Variants in GSN observed in about 807,000 individuals in gnomAD.
The protein encoded by GSN is actin-depolymerizing factor.
In GSN, 56 loss-of-function variants were observed where a neutral mutation model predicts 85.7. The ratio of observed to expected loss-of-function variants is 0.65; its 90% CI spans 0.53 to 0.82. GSN has a LOEUF of 0.82. GSN is among the 40% of genes least tolerant of loss of function. GSN has a pLI of 0.00. For missense variants in GSN, 857 were observed against 979.8 expected, an observed-to-expected ratio of 0.87 and a Z score of 1.67; for synonymous variants, 373 against 399.1, an observed-to-expected ratio of 0.93 and a Z score of 0.78.
At chr9:121,290,038 G>T (rs1042572843) in intron 2 of GSN, among the ~76,000 whole-genome samples, 1 of 152,052 alleles carries the variant, frequency 6.6e-6, no homozygotes, top group Non-Finnish European at 1.5e-5. Flanking sequence ...TGAGAAGTGG[G>T]TATAAAGTGG....
intron 2 of GSN, chr9:121,286,710 A>T: frequency 6.5e-7 from 1 of 1,535,468 alleles, no homozygotes. Context: ...CACTGTGGCC[A>T]TCATTCTCCT....
intron 2 of GSN, chr9:121,285,105 G>C (rs2057911691): frequency 6.0e-6 from 1 of 167,194 alleles, no homozygotes; most frequent in South Asian, 2.1e-4. Flanking sequence ...CCTTGGACAA[G>C]TCCCTTACTC....
chr9:121,302,081 A>G lies in GSN; in HGVS notation c.110A>G (p.Asp37Gly), dbSNP rs144219139. The G allele has an allele frequency of 6.2e-7, 1 of 1,614,150 alleles. No homozygotes were observed. The highest frequency in any genetic ancestry group is 1.7e-5 in the Admixed American group (1 of 60,022). Reference sequence around the variant, plus strand: ...CCCGTGCCCACCAACCTTTATGGAGACTTCTTCACGGGCGACGCCTACGTC... The same window carrying G: ...CCCGTGCCCACCAACCTTTATGGAGGCTTCTTCACGGGCGACGCCTACGTC... ...LVPVPTNLYG[D>G]FFTGDAYVIL... Residue 37 changes from aspartate (D) to glycine (G), a missense_variant, in exon 3 of 18, where the codon GAC becomes GGC. Transcript: ENST00000432226.
intron 1 of GSN, among the ~76,000 whole-genome samples, chr9:121,272,289 G>C (rs1411637343): frequency 6.6e-6 from 1 of 152,246 alleles, no homozygotes; most frequent in Non-Finnish European, 1.5e-5. Context: ...GAGAAAAGCA[G>C]TGGGTGTTGT....
Position 121,329,048 on chromosome 9 carries a change from C to G in GSN, c.1887+33C>G, listed in dbSNP as rs1188837313. On this transcript the variant is annotated intron_variant, in intron 15 of 17. Coordinates refer to ENST00000432226, the MANE Select transcript of GSN (RefSeq NM_198252.3). The surrounding 1 kb of genome is among the most constrained non-coding windows in gnomAD (Gnocchi z 4.6). Reference sequence around the variant, plus strand: ...CCTGCGGAGGTCACACCTCTGCTTTCCCCTCGGGAGGCGAGTTCCACAGGA... The same window carrying G: ...CCTGCGGAGGTCACACCTCTGCTTTGCCCTCGGGAGGCGAGTTCCACAGGA... 1 of 1,611,180 alleles carries G rather than the reference C, an allele frequency of 6.2e-7. No individual in the cohort carries two copies. The highest frequency in any genetic ancestry group is 1.7e-5 in the Admixed American group (1 of 59,856).
At chr9:121,239,139 G>A (rs574207810) in intron 5 of GSN, 76 of 346,872 alleles carry the variant, frequency 2.2e-4, no homozygotes, top group South Asian at 1.7e-3. Flanking sequence ...CATATATAGT[G>A]GCTAAGTCTG....
At chr9:121,246,648 C>G (rs2054705383) in intron 5 of GSN, among the ~76,000 whole-genome samples, 1 of 152,066 alleles carries the variant, frequency 6.6e-6, no homozygotes, top group Non-Finnish European at 1.5e-5. Flanking sequence ...CCCTCCATAT[C>G]CTTTCTCCAG....
At chr9:121,314,194 G>A (rs1181011178) in intron 7 of GSN, among the ~76,000 whole-genome samples, 171 bp downstream of exon 7, 1 of 152,216 alleles carries the variant, frequency 6.6e-6, no homozygotes, top group Non-Finnish European at 1.5e-5. Flanking sequence ...TTGCTTTCCT[G>A]CACTAAGAGC....
At chr9:121,289,672 G>T (rs1350771929) in intron 2 of GSN, among the ~76,000 whole-genome samples, 1 of 152,156 alleles carries the variant, frequency 6.6e-6, no homozygotes, top group Non-Finnish European at 1.5e-5. Flanking sequence ...TGAGGAGACA[G>T]GCCCAGAGAG....
intron 4 of GSN, among the ~76,000 whole-genome samples, chr9:121,216,191 A>G (rs1249733936): frequency 1.3e-5 from 2 of 151,938 alleles, no homozygotes; most frequent in African/African-American, 4.8e-5. Context: ...CAGGTGATCC[A>G]CCTGCCTCAG....
At chr9:121,269,465 CCTT>C (rs2055592252) in intron 1 of GSN, among the ~76,000 whole-genome samples, 1 of 152,106 alleles carries the variant, frequency 6.6e-6, no homozygotes, top group Non-Finnish European at 1.5e-5. Flanking sequence ...ACTCTAGCCT[CCTT>C]CTTGGGTGTT....
intron 1 of GSN, among the ~76,000 whole-genome samples, chr9:121,272,634 G>C (rs73660428): frequency 2.3e-3 from 344 of 152,306 alleles, no homozygotes; most frequent in African/African-American, 8.0e-3. Flanking sequence ...CCTAGGATTT[G>C]TTGATGTATC....
chr9:121,269,569 G>C (rs1327315782), intron 1 of GSN, among the ~76,000 whole-genome samples: 1 of 152,130 alleles, frequency 6.6e-6, no homozygotes. Context: ...GAGAGGCTTG[G>C]AAACAGAGGA....
intron 6 of GSN, 191 bp downstream of exon 6, chr9:121,312,679 G>T: frequency 1.9e-6 from 1 of 520,928 alleles, no homozygotes; most frequent in Admixed American, 3.6e-5. Context: ...CTGAGCTGGA[G>T]TGCAGGGGCG....
the GSN span, chr9:121,201,792 C>CA: frequency 6.5e-6 from 1 of 152,688 alleles, no homozygotes; most frequent in East Asian, 1.9e-4. Context: ...GACGCGCCGG[C>CA]AGCAGTAGCG....
Position 121,329,471 on chromosome 9 carries a change from G to C in GSN, c.1965+156G>C, listed in dbSNP as rs1182575224. Among the ~76,000 whole-genome samples, 1 of 152,158 alleles carries C rather than the reference G, an allele frequency of 6.6e-6. No homozygotes were observed. The highest frequency in any genetic ancestry group is 6.5e-5 in the Admixed American group (1 of 15,280). On this transcript the variant is annotated intron_variant, in intron 16 of 17. Transcript: ENST00000432226. This position sits in a 1 kb window ranked among gnomAD's most constrained non-coding sequence, Gnocchi z 4.6. ...GTACTGGAAGTCACTTCTTCTTTCTGAGCTTCCATTTCCTCATCTGTAAAC... is the reference window on the plus strand; with the variant it reads ...GTACTGGAAGTCACTTCTTCTTTCTCAGCTTCCATTTCCTCATCTGTAAAC...
At chr9:121,257,596 TGTG>T (rs1430117520) in intron 6 of GSN, among the ~76,000 whole-genome samples, 1 of 152,154 alleles carries the variant, frequency 6.6e-6, no homozygotes, top group African/African-American at 2.4e-5. Flanking sequence ...CTCACCCAGA[TGTG>T]GTGGCTCCCG....
chr9:121,235,224 T>A (rs899290346), intron 5 of GSN, among the ~76,000 whole-genome samples: 1 of 152,194 alleles, frequency 6.6e-6, no homozygotes, highest in African/African-American at 2.4e-5. Context: ...AGAAAAGTCG[T>A]GAGTTTCACT....
chr9:121,275,515 A>G (rs944010178), intron 1 of GSN, among the ~76,000 whole-genome samples: 2 of 152,160 alleles, frequency 1.3e-5, no homozygotes, highest in South Asian at 2.1e-4. Context: ...TGGTGTCCTG[A>G]GCTTCACTTC....
Sources: gnomAD v4.1 joint callset for allele counts (sites outside exome capture counted in the v4.1 genomes callset) on GRCh38, gnomAD v4.1.1 for gene constraint, Gnocchi (gnomAD v3.1) non-coding constraint, MANE v1.5 for transcripts, NCBI Gene and HGNC (gene_info 2026-07-23, HGNC 2026-07-21) for gene names.